SH3D19: variants seen among roughly 807,000 people sequenced by gnomAD.
SH3D19 encodes the protein SH3 domain-containing protein 19.
A neutral mutation model predicts 112.1 loss-of-function variants in SH3D19; 58 were observed. The ratio of observed to expected loss-of-function variants is 0.52; its 90% CI spans 0.42 to 0.64. SH3D19 has a LOEUF of 0.64. SH3D19 is among the 30% of genes least tolerant of loss of function. SH3D19 has a pLI of 0.00. For missense variants in SH3D19, 1,090 were observed against 1,263.4 expected, an observed-to-expected ratio of 0.86 and a Z score of 2.08; for synonymous variants, 391 against 448.5, an observed-to-expected ratio of 0.87 and a Z score of 1.62.
At chr4:151,186,399 A>G (rs1761781825) in intron 3 of SH3D19, among the ~76,000 whole-genome samples, 1 of 152,244 alleles carries the variant, frequency 6.6e-6, no homozygotes, top group Non-Finnish European at 1.5e-5. Context: ...GTACCTGTAG[A>G]AACAAATGAA....
intron 1 of SH3D19, among the ~76,000 whole-genome samples, chr4:151,311,050 A>G (rs867369943): frequency 4.0e-5 from 6 of 148,190 alleles, no homozygotes; most frequent in South Asian, 4.3e-4. Flanking sequence ...TATCTTGGCT[A>G]TTGTGAATAA....
At chr4:151,245,878 A>T (rs536506334) in intron 1 of SH3D19, among the ~76,000 whole-genome samples, 68 of 152,320 alleles carry the variant, frequency 4.5e-4, no homozygotes, top group African/African-American at 1.6e-3. Context: ...TGGGATTTAC[A>T]GGCATGAGCC....
At chr4:151,238,668 G>A (rs1177938816) in intron 1 of SH3D19, among the ~76,000 whole-genome samples, 4 of 151,904 alleles carry the variant, frequency 2.6e-5, no homozygotes, top group African/African-American at 7.3e-5. Context: ...GCTTGGATGA[G>A]GATTCTTCCG....
chr4:151,252,561 AT>A (rs1163433882), intron 1 of SH3D19, among the ~76,000 whole-genome samples: 1 of 152,106 alleles, frequency 6.6e-6, no homozygotes, highest in Non-Finnish European at 1.5e-5. Context: ...AGTGGGCTTT[AT>A]TTATACTCAC....
At chr4:151,320,800 G>A (rs192170164) in intron 1 of SH3D19, among the ~76,000 whole-genome samples, 5 of 152,256 alleles carry the variant, frequency 3.3e-5, no homozygotes, top group East Asian at 3.9e-4. Context: ...AGCACTTTGG[G>A]AGGCCAAGGC....
chr4:151,192,384 C>T (rs868734608), intron 2 of SH3D19, among the ~76,000 whole-genome samples: 13 of 152,076 alleles, frequency 8.5e-5, no homozygotes, highest in Middle Eastern at 3.2e-3. Context: ...AATAAGAAAA[C>T]TCTGTGAAAT....
chr4:151,246,296 G>C (rs766315143), intron 1 of SH3D19, among the ~76,000 whole-genome samples: 1 of 152,176 alleles, frequency 6.6e-6, no homozygotes, highest in Non-Finnish European at 1.5e-5. Flanking sequence ...AATTAAGGTT[G>C]TGTATCTATC....
intron 2 of SH3D19, among the ~76,000 whole-genome samples, chr4:151,192,299 T>C (rs6812695): frequency 0.83 from 126,980 of 152,108 alleles, 54,560 homozygotes; most frequent in Non-Finnish European, 0.95. Context: ...GCCAATTTAC[T>C]TACTTGCTGG....
In SH3D19 at chr4:151,127,695, C is replaced by T. The variant is rs1430922093; in HGVS notation, c.2950G>A (p.Ala984Thr). The change falls in exon 19 of 20, where the codon GCC (alanine) becomes ACC (threonine). Residue 984 changes from alanine (A) to threonine (T), a missense_variant. Physicochemically the swap from Ala to Thr is moderately conservative, Grantham distance 58. Transcript: ENST00000604030. ...GCCTTCCTCCCCTTCGGTACTATGG[C>T]CAACATACTTTTTGCCTCAGCTGTG... ...PCPAEAKSML[A>T]IVPKGRKAKA... 6.3e-7 allele frequency: 1 copy of T among 1,596,392 alleles called. No homozygotes were observed. The highest frequency in any genetic ancestry group is 1.8e-5 in the Admixed American group (1 of 55,140).
intron 2 of SH3D19, among the ~76,000 whole-genome samples, chr4:151,195,282 G>T (rs929438878): frequency 7.1e-6 from 1 of 140,978 alleles, no homozygotes; most frequent in Admixed American, 7.8e-5. Flanking sequence ...TGAGGCAGGA[G>T]AATGGTGTGA....
chr4:151,237,978 T>A (rs1348067228), intron 1 of SH3D19, among the ~76,000 whole-genome samples: 1 of 152,158 alleles, frequency 6.6e-6, no homozygotes, highest in Non-Finnish European at 1.5e-5. Context: ...TAATGAAAAT[T>A]AATAAATCTG....
At chr4:151,196,558 A>AT (rs1763498848) in intron 2 of SH3D19, among the ~76,000 whole-genome samples, 1 of 152,048 alleles carries the variant, frequency 6.6e-6, no homozygotes, top group Admixed American at 6.6e-5. Context: ...TGCTATTTAT[A>AT]GTATTAGTTT....
chr4:151,307,532 G>A lies in SH3D19; in HGVS notation c.112+17709C>T, dbSNP rs181633766. 2.6e-5 allele frequency among the ~76,000 whole-genome samples: 4 copies of A among 152,350 alleles called. No individual in the cohort carries two copies. The East Asian group carries it at 5.8e-4, about 22-fold the overall frequency. The stretch of plus-strand genomic sequence containing the variant: ...TCCCAGAGTTCCTGGTGCTAGACCC[G>A]TCAGGCAGGTGTGTGCCCGCAGGGC... On this transcript the variant is annotated intron_variant, in intron 1 of 19. Coordinates refer to ENST00000604030, the MANE Select transcript of SH3D19 (RefSeq NM_001378122.1).
intron 1 of SH3D19, among the ~76,000 whole-genome samples, chr4:151,241,264 C>T (rs1770533193): frequency 6.6e-6 from 1 of 151,904 alleles, no homozygotes; most frequent in African/African-American, 2.4e-5. Flanking sequence ...TGCACTCCAG[C>T]CTGGGTTACA....
intron 7 of SH3D19, among the ~76,000 whole-genome samples, chr4:151,166,697 T>C (rs779624218): frequency 2.0e-5 from 3 of 152,210 alleles, no homozygotes; most frequent in Non-Finnish European, 4.4e-5. Flanking sequence ...TCTATAAAAC[T>C]ATGCACTCCA....
At chr4:151,145,106 C>A (rs1037232164) in intron 11 of SH3D19, among the ~76,000 whole-genome samples, 4 of 152,068 alleles carry the variant, frequency 2.6e-5, no homozygotes, top group African/African-American at 9.7e-5. Context: ...TCCAATGTAC[C>A]CAGATTCCTG....
intron 1 of SH3D19, among the ~76,000 whole-genome samples, chr4:151,322,976 T>A (rs570394403): frequency 6.6e-6 from 1 of 152,106 alleles, no homozygotes; most frequent in South Asian, 2.1e-4. Flanking sequence ...AATGGTTACA[T>A]CTAGGGGAGA....
At chr4:151,236,239 G>C (rs1770028828) in intron 1 of SH3D19, among the ~76,000 whole-genome samples, 1 of 152,280 alleles carries the variant, frequency 6.6e-6, no homozygotes, top group South Asian at 2.1e-4. Context: ...TCGTGGAGAG[G>C]TGCAAGCGGG....
chr4:151,186,382 G>T (rs1761777442), intron 3 of SH3D19, among the ~76,000 whole-genome samples: 1 of 152,194 alleles, frequency 6.6e-6, no homozygotes, highest in Middle Eastern at 3.2e-3. Flanking sequence ...AAAATATATT[G>T]TGAAAAGTAC....
Sources: allele counts gnomAD v4.1 joint callset (sites outside exome capture counted in the v4.1 genomes callset), GRCh38; gene constraint gnomAD v4.1.1; transcripts MANE v1.5; gene names NCBI Gene and HGNC (gene_info 2026-07-23, HGNC 2026-07-21).